The following DOCK7 variants were observed in gnomAD, a reference collection of about 807,000 sequenced individuals.
The protein encoded by DOCK7 is dedicator of cytokinesis protein 7.
DOCK7 carries 138 observed loss-of-function variants against 271.0 expected under a neutral mutation model. The observed-to-expected ratio is 0.51, with a 90% CI of 0.44 to 0.59. The LOEUF (loss-of-function observed/expected upper bound fraction) is 0.59. Ranked by LOEUF, DOCK7 falls within the 20% of genes least tolerant of loss-of-function variation. The pLI is 0.00. For synonymous variants in DOCK7, 823 were observed against 876.1 expected (o/e 0.94, Z 1.07); for missense variants, 2,066 against 2,592.4 (o/e 0.80, Z 4.41).
At chr1:62,597,977 A>G (rs749133407) in intron 14 of DOCK7, 1 of 1,560,190 alleles carries the variant, frequency 6.4e-7, no homozygotes, top group South Asian at 1.2e-5. Context: ...TTCAACAAAA[A>G]GTGAAATATT....
At chr1:62,570,912 G>A (rs1188540588) in intron 18 of DOCK7, among the ~76,000 whole-genome samples, 3 of 152,018 alleles carry the variant, frequency 2.0e-5, no homozygotes, top group Admixed American at 6.6e-5. Flanking sequence ...AACTCAAGAC[G>A]ATTAAAGACT....
At chr1:62,538,516 T>A (rs1364948856) in intron 27 of DOCK7, among the ~76,000 whole-genome samples, 1 of 152,206 alleles carries the variant, frequency 6.6e-6, no homozygotes, top group Non-Finnish European at 1.5e-5. Context: ...TCCCTACAGC[T>A]TAGCTCAATG....
intron 43 of DOCK7, 78 bp downstream of exon 43, chr1:62,487,320 A>G (rs1220554641): frequency 2.1e-6 from 3 of 1,405,850 alleles, no homozygotes; most frequent in Non-Finnish European, 3.0e-6. Flanking sequence ...CAGCTAGCAC[A>G]TGTGGGCAAA....
At chr1:62,578,717 CAA>C (rs33969170) in intron 17 of DOCK7, 109 bp downstream of exon 17, 5,124 of 308,220 alleles carry the variant, frequency 0.017, no homozygotes, top group South Asian at 0.025. Context: ...GACTCTGTCT[CAA>C]AAAAAAAAAA....
intron 14 of DOCK7, chr1:62,604,270 A>G (rs772352011): frequency 6.2e-7 from 1 of 1,607,082 alleles, no homozygotes; most frequent in South Asian, 1.1e-5. Context: ...TTATTTTCAT[A>G]TCTTCAAAGT....
intron 15 of DOCK7, among the ~76,000 whole-genome samples, chr1:62,585,712 C>T (rs549110646): frequency 6.6e-6 from 1 of 152,296 alleles, no homozygotes; most frequent in Non-Finnish European, 1.5e-5. Context: ...CCTTTGGTTT[C>T]AGCACAAAAG....
intron 1 of DOCK7, among the ~76,000 whole-genome samples, chr1:62,681,993 G>A (rs1196645208): frequency 1.3e-5 from 2 of 151,744 alleles, no homozygotes; most frequent in Non-Finnish European, 2.9e-5. Context: ...GTGGACTGGA[G>A]TAGTCTTAAG....
intron 1 of DOCK7, among the ~76,000 whole-genome samples, chr1:62,678,473 A>C (rs1037361632): frequency 6.6e-6 from 1 of 152,182 alleles, no homozygotes; most frequent in African/African-American, 2.4e-5. Flanking sequence ...CAAATTATAA[A>C]ATTTCATTGT....
chr1:62,634,627 C>T (rs1252878002), intron 9 of DOCK7, 146 bp downstream of exon 9: 5 of 757,724 alleles, frequency 6.6e-6, no homozygotes, highest in Non-Finnish European at 1.0e-5. Flanking sequence ...GTAGCACCTA[C>T]TGTGTATGTC....
rs1645466246 is a variant in DOCK7 at position 62,539,784 on chromosome 1, T to C, written c.3154A>G (p.Ile1052Val). The part of the protein sequence containing the change: ...MDDIAALVST[I>V]ASDIVSRFQK... The stretch of plus-strand genomic sequence containing the variant: ...AATCGTGAAACTATATCACTAGCAA[T>C]CGTGCTGACAAGAGCTGCAATGTCA... Residue 1052 changes from isoleucine to valine, a missense_variant, in exon 26 of 50, where the codon ATT becomes GTT. Transcript: ENST00000635253. 1 of 1,613,378 alleles carries C rather than the reference T, an allele frequency of 6.2e-7. No individual in the cohort carries two copies. The highest frequency in any genetic ancestry group is 8.5e-7 in the Non-Finnish European group (1 of 1,179,830).
chr1:62,488,340 A>T (rs1196748262), intron 42 of DOCK7: 1 of 152,526 alleles, frequency 6.6e-6, no homozygotes, highest in Non-Finnish European at 1.5e-5. Context: ...TTTAGTGATA[A>T]TATGTAGATT....
At chr1:62,518,950 A>G (rs1405601070) in intron 31 of DOCK7, among the ~76,000 whole-genome samples, 1 of 151,890 alleles carries the variant, frequency 6.6e-6, no homozygotes, top group Non-Finnish European at 1.5e-5. Flanking sequence ...CTGTTTTTAA[A>G]AGAAGTATCT....
At chr1:62,597,164 C>G (rs1340927564) in intron 14 of DOCK7, among the ~76,000 whole-genome samples, 2 of 152,104 alleles carry the variant, frequency 1.3e-5, no homozygotes, top group Non-Finnish European at 2.9e-5. Context: ...ATACTTAATT[C>G]ATTACTTTTT....
At chr1:62,504,871 G>T in intron 36 of DOCK7, 89 bp from the exon 37 acceptor site, 1 of 1,409,228 alleles carries the variant, frequency 7.1e-7, no homozygotes, top group Non-Finnish European at 9.5e-7. Flanking sequence ...AGACTTGTTA[G>T]TATAGCCCAG....
At chr1:62,594,963 T>A (rs1217588396) in intron 14 of DOCK7, among the ~76,000 whole-genome samples, 1 of 152,148 alleles carries the variant, frequency 6.6e-6, no homozygotes, top group African/African-American at 2.4e-5. Flanking sequence ...CAACTGTAAC[T>A]TTTCTATTTA....
intron 31 of DOCK7, among the ~76,000 whole-genome samples, chr1:62,521,577 T>C (rs1644852176): frequency 6.6e-6 from 1 of 152,178 alleles, no homozygotes; most frequent in Non-Finnish European, 1.5e-5. Context: ...TTACATCTAC[T>C]ACAGATGATA....
At chr1:62,678,730 A>AC (rs1169049367) in intron 1 of DOCK7, among the ~76,000 whole-genome samples, 2 of 152,250 alleles carry the variant, frequency 1.3e-5, no homozygotes, top group East Asian at 3.9e-4. Context: ...GAGTTACTCT[A>AC]CCAAATGCCA....
At chr1:62,625,143 T>C (rs1490246940) in intron 12 of DOCK7, 116 bp downstream of exon 12, 1 of 881,448 alleles carries the variant, frequency 1.1e-6, no homozygotes, top group Non-Finnish European at 1.6e-6. Context: ...TCTTAAAGTT[T>C]TTAAGTTTCT....
chr1:62,664,187 G>A (rs941412518), intron 1 of DOCK7, among the ~76,000 whole-genome samples: 3 of 152,168 alleles, frequency 2.0e-5, no homozygotes, highest in Non-Finnish European at 4.4e-5. Flanking sequence ...AAGAAAGGAA[G>A]AATGAATAAG....
Sources: allele counts gnomAD v4.1 joint callset (sites outside exome capture counted in the v4.1 genomes callset), GRCh38; gene constraint gnomAD v4.1.1; transcripts MANE v1.5; gene names NCBI Gene and HGNC (gene_info 2026-07-23, HGNC 2026-07-21).